Variants in NRCAM observed in about 807,000 individuals in gnomAD.
NRCAM encodes the protein neuronal cell adhesion molecule.
A neutral mutation model predicts 156.5 loss-of-function variants in NRCAM; 83 were observed. The ratio of observed to expected loss-of-function variants is 0.53; its 90% CI spans 0.44 to 0.64. The LOEUF is 0.64. NRCAM is among the 30% of genes least tolerant of loss of function. The probability of loss-of-function intolerance (pLI) is 0.00; values close to 1 mark genes in which losing one functional copy is unlikely to be tolerated. For synonymous variants in NRCAM, 538 were observed against 563.9 expected, an observed-to-expected ratio of 0.95 and a Z score of 0.65; for missense variants, 1,417 against 1,597.3, an observed-to-expected ratio of 0.89 and a Z score of 1.92.
chr7:108,336,435 A>T (rs1273046285), intron 2 of NRCAM, among the ~76,000 whole-genome samples: 1 of 152,260 alleles, frequency 6.6e-6, no homozygotes, highest in East Asian at 1.9e-4. Context: ...TGTAGGAATT[A>T]ACAACTAAAA....
At chr7:108,343,315 A>T (rs1158515162) in intron 2 of NRCAM, among the ~76,000 whole-genome samples, 1 of 152,330 alleles carries the variant, frequency 6.6e-6, no homozygotes, top group East Asian at 1.9e-4. Context: ...ATGGAGAGAA[A>T]GGGGATTCCT....
intron 13 of NRCAM, among the ~76,000 whole-genome samples, chr7:108,199,694 C>A (rs775083279): frequency 2.6e-5 from 4 of 152,148 alleles, no homozygotes; most frequent in Non-Finnish European, 5.9e-5. Flanking sequence ...CTTTTGGGGG[C>A]TCATGTAATT....
chr7:108,445,673 G>A (rs1843400775), intron 1 of NRCAM, among the ~76,000 whole-genome samples: 1 of 152,068 alleles, frequency 6.6e-6, no homozygotes. Context: ...AGTTACTTAA[G>A]TAACTTTTCC....
At chr7:108,196,194 A>G (rs2074960194) in intron 14 of NRCAM, among the ~76,000 whole-genome samples, 1 of 152,212 alleles carries the variant, frequency 6.6e-6, no homozygotes, top group Admixed American at 6.5e-5. Flanking sequence ...AGCCAAGTAT[A>G]TTTTTGTTGA....
intron 3 of NRCAM, among the ~76,000 whole-genome samples, chr7:108,289,465 A>C (rs2098218846): frequency 6.6e-6 from 1 of 152,168 alleles, no homozygotes; most frequent in Non-Finnish European, 1.5e-5. Context: ...GATGTTGTAC[A>C]ACAGATCTCT....
chr7:108,310,946 C>T (rs930976210), intron 3 of NRCAM, among the ~76,000 whole-genome samples: 1 of 152,064 alleles, frequency 6.6e-6, no homozygotes, highest in Non-Finnish European at 1.5e-5. Context: ...GATTTTCAAT[C>T]GAGTACCCTT....
At chr7:108,413,161 TTC>T (rs1252373570) in intron 1 of NRCAM, among the ~76,000 whole-genome samples, 4 of 149,734 alleles carry the variant, frequency 2.7e-5, no homozygotes, top group African/African-American at 9.7e-5. Context: ...TGAACAAGTG[TTC>T]TCTTTTCTCC....
intron 1 of NRCAM, among the ~76,000 whole-genome samples, chr7:108,430,563 A>G (rs546315371): frequency 1.3e-5 from 2 of 152,364 alleles, no homozygotes; most frequent in East Asian, 3.9e-4. Flanking sequence ...GCTGGGGAGA[A>G]GAGCAGGCAA....
intron 32 of NRCAM, among the ~76,000 whole-genome samples, chr7:108,152,915 T>C (rs2042619983): frequency 6.6e-6 from 1 of 152,134 alleles, no homozygotes; most frequent in Non-Finnish European, 1.5e-5. Context: ...CAGGATTTTC[T>C]GATAGGTTAG....
At chr7:108,299,112 A>AAAAAAAAAAAAAAAAAGG (rs2098523121) in intron 3 of NRCAM, among the ~76,000 whole-genome samples, 1 of 90,270 alleles carries the variant, frequency 1.1e-5, no homozygotes, top group Non-Finnish European at 2.3e-5. Context: ...TCTCAAAAAA[A>AAAAAAAAAAAAAAAAAGG]AAAAAGAAAG....
At chr7:108,230,518 T>C (rs12538125) in intron 8 of NRCAM, among the ~76,000 whole-genome samples, 44,534 of 152,024 alleles carry the variant, frequency 0.29, 6,945 homozygotes, top group African/African-American at 0.39. Flanking sequence ...CATTGAGTCC[T>C]GTGACCTTTC....
chr7:108,400,740 G>C (rs1323792354), intron 1 of NRCAM, among the ~76,000 whole-genome samples: 1 of 152,066 alleles, frequency 6.6e-6, no homozygotes, highest in Non-Finnish European at 1.5e-5. Flanking sequence ...TCAGAGTCAA[G>C]AGGTACAGTG....
intron 2 of NRCAM, among the ~76,000 whole-genome samples, chr7:108,320,316 T>G (rs1037199494): frequency 2.4e-4 from 36 of 151,912 alleles, no homozygotes; most frequent in African/African-American, 8.5e-4. Flanking sequence ...ATAAATTATC[T>G]GGGCATGGTG....
intron 3 of NRCAM, among the ~76,000 whole-genome samples, chr7:108,267,619 C>T (rs750590198): frequency 3.3e-5 from 5 of 152,178 alleles, no homozygotes; most frequent in Admixed American, 6.5e-5. Context: ...TTATTCCTTA[C>T]GCTTTATTTG....
chr7:108,182,103 GA>G (rs1029197653), intron 23 of NRCAM, among the ~76,000 whole-genome samples, 166 bp from the exon 24 acceptor site: 12 of 65,704 alleles, frequency 1.8e-4, no homozygotes, highest in Admixed American at 8.3e-4. Context: ...CTTTGTGAGA[GA>G]TTTTTTTTTT....
intron 3 of NRCAM, among the ~76,000 whole-genome samples, chr7:108,291,781 G>C (rs1022832358): frequency 6.6e-6 from 1 of 152,106 alleles, no homozygotes; most frequent in African/African-American, 2.4e-5. Context: ...GTTGCAACCT[G>C]ACTATAATCT....
intron 28 of NRCAM, among the ~76,000 whole-genome samples, chr7:108,173,669 T>C (rs182925388): frequency 0.02 from 3,005 of 152,286 alleles, 53 homozygotes; most frequent in Middle Eastern, 0.034. Flanking sequence ...TTAGCTTTTT[T>C]CCCCCTTATT....
At chr7:108,162,551 C>G (rs1020989955) in intron 30 of NRCAM, among the ~76,000 whole-genome samples, 5 of 152,204 alleles carry the variant, frequency 3.3e-5, no homozygotes, top group Non-Finnish European at 7.3e-5. Flanking sequence ...TACTCAGGTA[C>G]TAGCAGAGAT....
At chr7:108,237,546 G>A (rs1443336414) in intron 5 of NRCAM, among the ~76,000 whole-genome samples, 1 of 152,172 alleles carries the variant, frequency 6.6e-6, no homozygotes, top group Non-Finnish European at 1.5e-5. Flanking sequence ...AAGAGTAATA[G>A]CCAAGTTTTC....
Sources: gnomAD v4.1 joint callset for allele counts (sites outside exome capture counted in the v4.1 genomes callset) on GRCh38, gnomAD v4.1.1 for gene constraint, MANE v1.5 for transcripts, NCBI Gene and HGNC (gene_info 2026-07-23, HGNC 2026-07-21) for gene names.